PDZRN3: variants seen among roughly 807,000 people sequenced by gnomAD.
The protein encoded by PDZRN3 is PDZ domain containing ring finger 3.
In PDZRN3, 38 loss-of-function variants were observed where a neutral mutation model predicts 85.7. The ratio of observed to expected loss-of-function variants is 0.44; its 90% CI spans 0.34 to 0.58. The LOEUF is 0.58. PDZRN3 is among the 20% of genes least tolerant of loss of function. PDZRN3 has a pLI of 0.01. For synonymous variants in PDZRN3, 759 were observed against 638.0 expected, an observed-to-expected ratio of 1.19 and a Z score of -2.86; for missense variants, 1,629 against 1,506.4, an observed-to-expected ratio of 1.08 and a Z score of -1.35.
chr3:73,547,206 A>T (rs1051066752), intron 3 of PDZRN3, among the ~76,000 whole-genome samples: 1 of 152,232 alleles, frequency 6.6e-6, no homozygotes, highest in Non-Finnish European at 1.5e-5. Flanking sequence ...AACTCTGGAA[A>T]CAGGTTGACT....
intron 3 of PDZRN3, chr3:73,408,084 T>C (rs746124543): frequency 2.9e-6 from 2 of 690,570 alleles, no homozygotes; most frequent in Non-Finnish European, 5.3e-6. Flanking sequence ...TAGTAGCCCA[T>C]GCAGTTTTCA....
chr3:73,420,035 A>G (rs745835536), intron 3 of PDZRN3, among the ~76,000 whole-genome samples: 36 of 152,228 alleles, frequency 2.4e-4, no homozygotes, highest in Non-Finnish European at 4.4e-4. Flanking sequence ...AGCTCCAGGA[A>G]TATGTGTCAA....
intron 3 of PDZRN3, among the ~76,000 whole-genome samples, chr3:73,544,669 T>C (rs1003034094): frequency 6.6e-6 from 1 of 151,848 alleles, no homozygotes; most frequent in Admixed American, 6.6e-5. Flanking sequence ...TTGACTACCC[T>C]GAATTTCCAC....
At chr3:73,592,597 T>A (rs1158567325) in intron 3 of PDZRN3, among the ~76,000 whole-genome samples, 1 of 152,062 alleles carries the variant, frequency 6.6e-6, no homozygotes, top group African/African-American at 2.4e-5. Context: ...TCAAAATAGA[T>A]TTAAACAGGG....
chr3:73,503,906 G>T (rs1704025394), intron 3 of PDZRN3, among the ~76,000 whole-genome samples: 1 of 152,166 alleles, frequency 6.6e-6, no homozygotes. Flanking sequence ...AGCCTAAACA[G>T]ATGTGTTTTT....
At chr3:73,414,711 AT>A (rs2106756815) in intron 3 of PDZRN3, among the ~76,000 whole-genome samples, 1 of 152,278 alleles carries the variant, frequency 6.6e-6, no homozygotes, top group South Asian at 2.1e-4. Context: ...AGAATGGGCT[AT>A]TTTTTCTTTT....
rs186597985 is a variant in PDZRN3, at chr3:73,506,392, T to C, written c.918+95962A>G. On this transcript the variant is annotated intron_variant, in intron 3 of 9. Transcript: ENST00000263666. ...AAAAGGTTGACATCTTTAATACAAA[T>C]AAAGCTTTTCTACATCAATAAGAAA... Among the ~76,000 whole-genome samples the C allele has an allele frequency of 7.6e-3, 1,155 of 152,216 alleles. 5 individuals are homozygous for C. The highest frequency in any genetic ancestry group is 0.013 in the Non-Finnish European group (894 of 67,976).
chr3:73,386,780 T>C (rs1701399891), intron 8 of PDZRN3, among the ~76,000 whole-genome samples: 1 of 152,236 alleles, frequency 6.6e-6, no homozygotes, highest in African/African-American at 2.4e-5. Flanking sequence ...GTGGGTGAGA[T>C]GATTGCTGAA....
chr3:73,615,081 G>A (rs1702740835), intron 1 of PDZRN3, among the ~76,000 whole-genome samples: 1 of 151,770 alleles, frequency 6.6e-6, no homozygotes, highest in Admixed American at 6.6e-5. Context: ...GGGCATGGGG[G>A]AACAGGTAGA....
intron 3 of PDZRN3, among the ~76,000 whole-genome samples, chr3:73,463,703 T>C (rs1388227906): frequency 6.6e-6 from 1 of 152,148 alleles, no homozygotes; most frequent in African/African-American, 2.4e-5. Flanking sequence ...AATTCTATTA[T>C]AAAGACACAT....
intron 3 of PDZRN3, among the ~76,000 whole-genome samples, chr3:73,545,907 C>A (rs747367784): frequency 6.6e-6 from 1 of 151,968 alleles, no homozygotes; most frequent in Non-Finnish European, 1.5e-5. Flanking sequence ...GGGGGAGGAT[C>A]GGAGGATCTT....
At chr3:73,590,650 T>A (rs1376419401) in intron 3 of PDZRN3, among the ~76,000 whole-genome samples, 1 of 152,246 alleles carries the variant, frequency 6.6e-6, no homozygotes, top group South Asian at 2.1e-4. Flanking sequence ...TTAAAAAGTT[T>A]CAAGCTTTCA....
chr3:73,422,603 T>C (rs970991009), intron 3 of PDZRN3, among the ~76,000 whole-genome samples: 2 of 152,158 alleles, frequency 1.3e-5, no homozygotes, highest in African/African-American at 4.8e-5. Context: ...TTCTTAACCA[T>C]GGTTGGATAT....
At chr3:73,482,800 A>C (rs1161998210) in intron 3 of PDZRN3, among the ~76,000 whole-genome samples, 4 of 152,222 alleles carry the variant, frequency 2.6e-5, no homozygotes, top group Non-Finnish European at 5.9e-5. Flanking sequence ...TGGGATCTTT[A>C]ACTTACACTG....
At chr3:73,616,960 T>C (rs1686286290) in intron 1 of PDZRN3, among the ~76,000 whole-genome samples, 1 of 152,168 alleles carries the variant, frequency 6.6e-6, no homozygotes, top group South Asian at 2.1e-4. Context: ...CGCAATACAC[T>C]AGCTCTATTC....
At chr3:73,461,401 G>C (rs1264250009) in intron 3 of PDZRN3, among the ~76,000 whole-genome samples, 1 of 152,172 alleles carries the variant, frequency 6.6e-6, no homozygotes, top group African/African-American at 2.4e-5. Context: ...ATCTCAAAAG[G>C]AATCATTTGG....
At chr3:73,476,801 A>T (rs1475821247) in intron 3 of PDZRN3, among the ~76,000 whole-genome samples, 2 of 152,200 alleles carry the variant, frequency 1.3e-5, no homozygotes, top group Non-Finnish European at 2.9e-5. Flanking sequence ...CTTGGCAAAC[A>T]GCCCTGTGAG....
At chr3:73,436,240 G>A (rs1263945218) in intron 3 of PDZRN3, among the ~76,000 whole-genome samples, 1 of 152,218 alleles carries the variant, frequency 6.6e-6, no homozygotes, top group East Asian at 1.9e-4. Context: ...TTTGCTGACT[G>A]TTTCCTTGTG....
intron 3 of PDZRN3, among the ~76,000 whole-genome samples, chr3:73,459,281 C>T (rs1417205454): frequency 6.6e-6 from 1 of 152,176 alleles, no homozygotes; most frequent in Non-Finnish European, 1.5e-5. Context: ...GATTATAATT[C>T]AAGATGAGAT....
Sources: gnomAD v4.1 joint callset for allele counts (sites outside exome capture counted in the v4.1 genomes callset) on GRCh38, gnomAD v4.1.1 for gene constraint, MANE v1.5 for transcripts, NCBI Gene and HGNC (gene_info 2026-07-23, HGNC 2026-07-21) for gene names.